Variants in IARS2 observed in about 807,000 individuals in gnomAD.
IARS2 encodes isoleucyl-tRNA synthetase 2, mitochondrial.
IARS2 carries 56 observed loss-of-function variants against 126.3 expected under a neutral mutation model. The ratio of observed to expected loss-of-function variants is 0.44; its 90% CI spans 0.36 to 0.55. The LOEUF is 0.55. Ranked by LOEUF, IARS2 falls within the 20% of genes least tolerant of loss-of-function variation. IARS2 has a pLI of 0.00. For synonymous variants in IARS2, 407 were observed against 441.1 expected (o/e 0.92, Z 0.97); for missense variants, 1,127 against 1,245.9 (o/e 0.90, Z 1.44).
At chr1:220,104,734 A>G (rs770313568) in intron 8 of IARS2, among the ~76,000 whole-genome samples, 19 of 151,910 alleles carry the variant, frequency 1.3e-4, no homozygotes, top group Non-Finnish European at 1.6e-4. Context: ...AGGTCTCACT[A>G]TGTTGCCCAG....
At chr1:220,138,835 T>G (rs1390881433) in intron 17 of IARS2, among the ~76,000 whole-genome samples, 173 bp from the exon 18 acceptor site, 1 of 151,966 alleles carries the variant, frequency 6.6e-6, no homozygotes, top group African/African-American at 2.4e-5. Flanking sequence ...GGAATAAGAG[T>G]TTGTTGTGTA....
At chr1:220,112,010 C>T (rs554254573) in intron 11 of IARS2, among the ~76,000 whole-genome samples, 4 of 150,856 alleles carry the variant, frequency 2.7e-5, no homozygotes, top group Non-Finnish European at 5.9e-5. Flanking sequence ...AAAAATTGTT[C>T]TTTGTAGAAG....
At chr1:220,136,713 G>T (rs1571862584) in intron 15 of IARS2, 96 bp from the exon 16 acceptor site, 8 of 453,106 alleles carry the variant, frequency 1.8e-5, no homozygotes, top group South Asian at 4.3e-5. Flanking sequence ...TCATATTTTT[G>T]TGTCAAACTT....
At chr1:220,115,708 G>A (rs1558124220) in intron 12 of IARS2, among the ~76,000 whole-genome samples, 2 of 151,404 alleles carry the variant, frequency 1.3e-5, no homozygotes, top group Non-Finnish European at 3.0e-5. Flanking sequence ...AAGTTGCTTG[G>A]AAATCTGTGA....
Position 220,145,659 on chromosome 1 carries a change from A to G in IARS2, c.2896+6A>G, listed in dbSNP as rs367981373. On this transcript the variant is annotated splice_donor_region_variant and intron_variant, in intron 22 of 22. Transcript: ENST00000366922. ...ATTCCTCATCAACTTAGAAGGTAAGAAGGAGATGAAAGTAACAAGTAACAT... is the reference window on the plus strand; with the variant it reads ...ATTCCTCATCAACTTAGAAGGTAAGGAGGAGATGAAAGTAACAAGTAACAT... The G allele has an allele frequency of 3.1e-6, 5 of 1,605,368 alleles. No individual in the cohort carries two copies. The highest frequency in any genetic ancestry group is 3.4e-6 in the Non-Finnish European group (4 of 1,175,022).
At chr1:220,136,290 C>T (rs1657374101) in intron 15 of IARS2, among the ~76,000 whole-genome samples, 1 of 152,128 alleles carries the variant, frequency 6.6e-6, no homozygotes, top group Non-Finnish European at 1.5e-5. Context: ...CACCACTATA[C>T]CCAGCTAATT....
Position 220,103,678 on chromosome 1 carries a change from A to G in IARS2, c.1066+116A>G, listed in dbSNP as rs1656627084. ...AAACAGATATGGCCTCTACCTTTCTAGAATACATTTTACATTGATTACACT... is the reference window on the plus strand; with the variant it reads ...AAACAGATATGGCCTCTACCTTTCTGGAATACATTTTACATTGATTACACT... On this transcript the variant is annotated intron_variant, in intron 8 of 22. Coordinates refer to ENST00000366922, the MANE Select transcript of IARS2 (RefSeq NM_018060.4). 10 of 619,124 alleles carry G rather than the reference A, an allele frequency of 1.6e-5. No individual in the cohort carries two copies. The East Asian group carries it at 2.5e-4, about 15-fold the overall frequency. 38.4% of individuals were successfully genotyped at this position (619,124 alleles called of 1,614,324 possible).
chr1:220,147,385 A>C, intron 22 of IARS2, 108 bp from the exon 23 acceptor site: 2 of 1,042,522 alleles, frequency 1.9e-6, no homozygotes, highest in South Asian at 3.0e-5. Flanking sequence ...GACAAGCTTT[A>C]CCAAGGCAGG....
intron 4 of IARS2, 42 bp downstream of exon 4, chr1:220,102,319 G>A (rs749298044): frequency 3.4e-5 from 54 of 1,608,220 alleles, no homozygotes; most frequent in East Asian, 1.8e-4. Flanking sequence ...TTTAGTATGC[G>A]TTACAAGATT....
intron 17 of IARS2, among the ~76,000 whole-genome samples, 178 bp downstream of exon 17, chr1:220,138,221 C>T (rs1657418231): frequency 6.6e-6 from 1 of 152,024 alleles, no homozygotes; most frequent in African/African-American, 2.4e-5. Flanking sequence ...GCCTGTAATC[C>T]CAGCACTTTT....
intron 22 of IARS2, among the ~76,000 whole-genome samples, chr1:220,147,079 T>G (rs545622503): frequency 3.7e-4 from 56 of 152,352 alleles, no homozygotes; most frequent in African/African-American, 1.3e-3. Flanking sequence ...TTTTGGTTCC[T>G]TTTGTCCCAC....
chr1:220,122,755 A>G (rs1006320453), intron 12 of IARS2, among the ~76,000 whole-genome samples: 1 of 152,212 alleles, frequency 6.6e-6, no homozygotes, highest in Non-Finnish European at 1.5e-5. Flanking sequence ...TTTTATACAT[A>G]CAAATACATA....
intron 2 of IARS2, 137 bp from the exon 3 acceptor site, chr1:220,100,351 TAA>T (rs1329389499): frequency 2.5e-4 from 173 of 679,176 alleles, no homozygotes; most frequent in Non-Finnish European, 3.3e-5. Context: ...AAAATGGTAT[TAA>T]GTTTAAAAAA....
At chr1:220,103,592 G>A (rs1345276744) in intron 8 of IARS2, 30 bp downstream of exon 8, 8 of 1,367,194 alleles carry the variant, frequency 5.9e-6, no homozygotes, top group Non-Finnish European at 8.4e-6. Context: ...TGACAACATA[G>A]TCATCAAAGT....
rs1036030595 is a variant in IARS2 at position 220,147,630 on chromosome 1, A to G, written c.3034A>G (p.Lys1012Glu). 6.2e-7 allele frequency: 1 copy of G among 1,614,056 alleles called. No homozygotes were observed. The highest frequency in any genetic ancestry group is 1.3e-5 in the African/African-American group (1 of 75,022). ...TCGATGTGCAGAAGTTGTCAGTGGA[A>G]AATAGTATTAACAGCTCACTCGAGC... ...CPRCAEVVSG[K>E] is the part of the protein sequence containing the mutation. The change falls in exon 23 of 23, where the codon AAA becomes GAA. Residue 1012 changes from lysine (K) to glutamate (E), a missense_variant. Transcript: ENST00000366922.
intron 15 of IARS2, chr1:220,134,825 T>C (rs570329752): frequency 1.2e-5 from 2 of 166,176 alleles, no homozygotes; most frequent in African/African-American, 4.8e-5. Context: ...TGGAGTGCAA[T>C]GGTGTGGTCA....
rs189084759 is a variant in IARS2, at chr1:220,102,327, A to G, written c.700-36A>G. The G allele has an allele frequency of 3.1e-4, 498 of 1,609,074 alleles. 2 individuals are homozygous for G. Among genetic ancestry groups the G allele is most frequent in the African/African-American group, 2.8e-3 (212 of 74,628 alleles). On this transcript the variant is annotated intron_variant, in intron 4 of 22. Coordinates refer to ENST00000366922, the MANE Select transcript of IARS2 (RefSeq NM_018060.4). ...AGTAGGTTTTAGTATGCGTTACAAG[A>G]TTCTACTTTTAACATCATATTTTTG...
intron 3 of IARS2, 44 bp from the exon 4 acceptor site, chr1:220,102,085 G>T (rs545199797): frequency 1.3e-6 from 2 of 1,539,330 alleles, no homozygotes; most frequent in Non-Finnish European, 1.8e-6. Flanking sequence ...TTAAGAATTC[G>T]AATTCATTGG....
chr1:220,142,053 ACTG>A, intron 20 of IARS2, 105 bp downstream of exon 20: 1 of 1,063,144 alleles, frequency 9.4e-7, no homozygotes. Context: ...ATTTACAGTG[ACTG>A]CTGTGTGACA....
Sources: gnomAD v4.1 joint callset for allele counts (sites outside exome capture counted in the v4.1 genomes callset) on GRCh38, gnomAD v4.1.1 for gene constraint, MANE v1.5 for transcripts, NCBI Gene and HGNC (gene_info 2026-07-23, HGNC 2026-07-21) for gene names.